The following PRDM16 variants were observed in gnomAD, a reference collection of about 807,000 sequenced individuals.
The protein encoded by PRDM16 is histone-lysine N-methyltransferase PRDM16.
Under a neutral mutation model 110.6 loss-of-function variants are expected in PRDM16, and 23 were observed. The ratio of observed to expected loss-of-function variants is 0.21; its 90% CI spans 0.15 to 0.29. PRDM16 has a LOEUF of 0.29. Ranked by LOEUF, PRDM16 falls within the 10% of genes least tolerant of loss-of-function variation. The pLI, the probability that PRDM16 is intolerant of heterozygous loss-of-function variation, is 1.00. For synonymous variants in PRDM16, 799 were observed against 781.8 expected (o/e 1.02, Z -0.37); for missense variants, 1,615 against 1,794.3 (o/e 0.90, Z 1.81).
chr1:3,302,275 C>T (rs938447479), intron 3 of PRDM16, among the ~76,000 whole-genome samples: 1 of 152,042 alleles, frequency 6.6e-6, no homozygotes, highest in African/African-American at 2.4e-5. Flanking sequence ...GTAAATATTG[C>T]AACAAAGCCA....
At chr1:3,295,193 G>A (rs1427882295) in intron 3 of PRDM16, among the ~76,000 whole-genome samples, 1 of 152,190 alleles carries the variant, frequency 6.6e-6, no homozygotes, top group Admixed American at 6.5e-5. Context: ...ACAGAACGAG[G>A]AGCCAGGCCA....
At chr1:3,095,250 C>T (rs1343853192) in intron 1 of PRDM16, among the ~76,000 whole-genome samples, 1 of 152,238 alleles carries the variant, frequency 6.6e-6, no homozygotes, top group African/African-American at 2.4e-5. Context: ...GCCAGCAGCC[C>T]TGCAGCTGGG....
At chr1:3,116,379 G>A (rs753977669) in intron 1 of PRDM16, among the ~76,000 whole-genome samples, 19 of 152,148 alleles carry the variant, frequency 1.2e-4, no homozygotes, top group South Asian at 8.3e-4. Context: ...GGGGGGACGC[G>A]GGTTCACGGG....
At chr1:3,417,793 G>GCT (rs1638311522) in intron 10 of PRDM16, 35 bp from the exon 11 acceptor site, 4 of 1,600,964 alleles carry the variant, frequency 2.5e-6, no homozygotes, top group Admixed American at 3.3e-5. Flanking sequence ...GTGAGAGTCA[G>GCT]CTGAGTCCAT....
At chr1:3,268,891 C>CA (rs1640361321) in intron 3 of PRDM16, among the ~76,000 whole-genome samples, 1 of 152,238 alleles carries the variant, frequency 6.6e-6, no homozygotes, top group Non-Finnish European at 1.5e-5. Context: ...CATGCTGCGC[C>CA]AAGCCAACTT....
chr1:3,399,285 C>A lies in PRDM16; in HGVS notation c.676+2692C>A, dbSNP rs924450659. Among the ~76,000 whole-genome samples the A allele has an allele frequency of 2.0e-4, 31 of 152,184 alleles. 1 individual carries two copies. Among genetic ancestry groups the A allele is most frequent in the Admixed American group, 1.9e-3 (29 of 15,282 alleles). Reference sequence around the variant, plus strand: ...GACAGAGCGCATGAGCCAGCCAGATCGTGAGATCAGAGATAATAAGATGGG... The same window carrying A: ...GACAGAGCGCATGAGCCAGCCAGATAGTGAGATCAGAGATAATAAGATGGG... On this transcript the variant is annotated intron_variant, in intron 5 of 16. Transcript: ENST00000270722.
chr1:3,181,994 C>T (rs367931456), intron 1 of PRDM16, among the ~76,000 whole-genome samples: 5 of 152,204 alleles, frequency 3.3e-5, no homozygotes, highest in Non-Finnish European at 7.3e-5. Context: ...CTTACACATG[C>T]AGTCACATGC....
At chr1:3,107,621 C>A (rs1642688081) in intron 1 of PRDM16, among the ~76,000 whole-genome samples, 1 of 152,192 alleles carries the variant, frequency 6.6e-6, no homozygotes, top group Non-Finnish European at 1.5e-5. Context: ...TGTGGTAAAC[C>A]CCGTGAAGGT....
intron 8 of PRDM16, among the ~76,000 whole-genome samples, chr1:3,409,161 G>T (rs1643624355): frequency 6.6e-6 from 1 of 151,510 alleles, no homozygotes; most frequent in Non-Finnish European, 1.5e-5. Context: ...GTGTGTGAGT[G>T]AGTGTGGGCA....
chr1:3,157,783 G>A lies in PRDM16; in HGVS notation c.38-28342G>A, dbSNP rs755720488. ...GACAACACCCAGATGGACAGAGCTC[G>A]TCGGTTGGCTGAGGCTGGGGATGTG... On this transcript the variant is annotated intron_variant, in intron 1 of 16. Transcript: ENST00000270722. The surrounding 1 kb of genome is among the most constrained non-coding windows in gnomAD (Gnocchi z 4.8). Among the ~76,000 whole-genome samples the A allele has an allele frequency of 9.2e-5, 14 of 152,186 alleles. No homozygotes were observed. Among genetic ancestry groups the A allele is most frequent in the Non-Finnish European group, 1.6e-4 (11 of 68,036 alleles).
At chr1:3,251,075 TAGA>T (rs1420130483) in intron 3 of PRDM16, among the ~76,000 whole-genome samples, 3 of 152,206 alleles carry the variant, frequency 2.0e-5, no homozygotes, top group East Asian at 1.9e-4. Flanking sequence ...TCACAAATTT[TAGA>T]AGGACACACT....
chr1:3,340,949 G>C (rs1642258151), intron 3 of PRDM16, among the ~76,000 whole-genome samples: 1 of 152,192 alleles, frequency 6.6e-6, no homozygotes, highest in South Asian at 2.1e-4. Flanking sequence ...AGGGGAGCAT[G>C]GCCCCCGTGA....
In PRDM16 at chr1:3,404,840, T is replaced by C; in HGVS notation, c.986T>C (p.Met329Thr). The C allele has an allele frequency of 1.2e-6, 2 of 1,613,522 alleles. No individual in the cohort carries two copies. Among genetic ancestry groups the C allele is most frequent in the Non-Finnish European group, 8.5e-7 (1 of 1,179,968 alleles). ...NWKSNLIRHQMSHDSGKRFEC... is the reference protein window; with the variant it reads ...NWKSNLIRHQTSHDSGKRFEC... Reference sequence around the variant, plus strand: ...AAGTCCAACCTCATCCGCCACCAGATGTCCCACGACAGCGGCAAACGCTTC... The same window carrying C: ...AAGTCCAACCTCATCCGCCACCAGACGTCCCACGACAGCGGCAAACGCTTC... Residue 329 changes from methionine to threonine, a missense_variant, in exon 7 of 17, where the codon ATG becomes ACG. Physicochemically the swap from Met to Thr is moderately conservative, Grantham distance 81. Transcript: ENST00000270722.
intron 2 of PRDM16, among the ~76,000 whole-genome samples, chr1:3,242,691 G>C (rs1224709255): frequency 1.3e-5 from 2 of 152,248 alleles, no homozygotes; most frequent in African/African-American, 4.8e-5. Flanking sequence ...CTGTGACTGG[G>C]AACGCCAGCT....
intron 3 of PRDM16, among the ~76,000 whole-genome samples, chr1:3,313,245 G>A (rs1233303921): frequency 6.6e-6 from 1 of 152,262 alleles, no homozygotes; most frequent in Non-Finnish European, 1.5e-5. Context: ...GGAAAGGAAT[G>A]TGACCGCGCT....
At chr1:3,110,145 C>T (rs1057283093) in intron 1 of PRDM16, among the ~76,000 whole-genome samples, 1 of 145,084 alleles carries the variant, frequency 6.9e-6, no homozygotes, top group Non-Finnish European at 1.5e-5. Context: ...GTCTGCGGCT[C>T]CCCCATGTCC....
intron 2 of PRDM16, among the ~76,000 whole-genome samples, chr1:3,210,488 G>T (rs572295410): frequency 6.6e-6 from 1 of 152,322 alleles, no homozygotes; most frequent in East Asian, 1.9e-4. Flanking sequence ...GTGTGTGCGT[G>T]CACGCGTGTG....
intron 3 of PRDM16, among the ~76,000 whole-genome samples, chr1:3,334,879 C>G (rs545614357): frequency 3.9e-5 from 6 of 152,368 alleles, no homozygotes; most frequent in Admixed American, 3.3e-4. Flanking sequence ...GGAAACAAGG[C>G]CCCTGAGGTC....
chr1:3,166,792 G>A (rs1643962002), intron 1 of PRDM16, among the ~76,000 whole-genome samples: 1 of 152,172 alleles, frequency 6.6e-6, no homozygotes, highest in Non-Finnish European at 1.5e-5. Context: ...TCTCTGAGTG[G>A]CCCCATGGTT....
Sources: gnomAD v4.1 joint callset for allele counts (sites outside exome capture counted in the v4.1 genomes callset) on GRCh38, gnomAD v4.1.1 for gene constraint, Gnocchi (gnomAD v3.1) non-coding constraint, MANE v1.5 for transcripts, NCBI Gene and HGNC (gene_info 2026-07-23, HGNC 2026-07-21) for gene names.